The following TULP4 variants were observed in gnomAD, a reference collection of about 807,000 sequenced individuals.
TULP4 encodes the protein tubby-related protein 4.
In TULP4, 16 loss-of-function variants were observed where a neutral mutation model predicts 129.0. The ratio of observed to expected loss-of-function variants is 0.12; its 90% CI spans 0.08 to 0.19. The LOEUF is 0.19. TULP4 is among the 10% of genes least tolerant of loss of function. The probability of loss-of-function intolerance (pLI) is 1.00; values close to 1 mark genes in which losing one functional copy is unlikely to be tolerated. For synonymous variants in TULP4, 998 were observed against 854.0 expected, an observed-to-expected ratio of 1.17 and a Z score of -2.94; for missense variants, 1,842 against 2,059.1, an observed-to-expected ratio of 0.89 and a Z score of 2.04.
At chr6:158,400,317 A>G (rs116070664) in intron 1 of TULP4, among the ~76,000 whole-genome samples, 370 of 152,356 alleles carry the variant, frequency 2.4e-3, no homozygotes, top group African/African-American at 8.5e-3. Flanking sequence ...TATATGTTAT[A>G]TACTACTGTG....
intron 1 of TULP4, among the ~76,000 whole-genome samples, chr6:158,395,977 T>G (rs1777706000): frequency 6.6e-6 from 1 of 152,212 alleles, no homozygotes; most frequent in African/African-American, 2.4e-5. Context: ...GTTAGTGTAA[T>G]GCTAAGGGCC....
intron 1 of TULP4, among the ~76,000 whole-genome samples, chr6:158,268,654 C>T (rs1778494547): frequency 6.6e-6 from 1 of 152,094 alleles, no homozygotes. Context: ...TGGGGGGACA[C>T]CAACATTTGG....
chr6:158,333,685 T>C (rs564237460), intron 1 of TULP4, among the ~76,000 whole-genome samples: 35 of 152,150 alleles, frequency 2.3e-4, no homozygotes, highest in African/African-American at 8.4e-4. Context: ...TTTGAAAAAA[T>C]TCACAGATGA....
intron 1 of TULP4, among the ~76,000 whole-genome samples, chr6:158,240,731 C>T (rs1345001540): frequency 7.7e-6 from 1 of 129,534 alleles, no homozygotes; most frequent in Non-Finnish European, 1.7e-5. Flanking sequence ...GACGGGGCGG[C>T]TGGCCGGGCG....
At chr6:158,314,311 T>C (rs919769785) in intron 1 of TULP4, 43 bp downstream of exon 1, 1 of 1,594,472 alleles carries the variant, frequency 6.3e-7, no homozygotes, top group African/African-American at 1.3e-5. Flanking sequence ...CTTCCAGTGG[T>C]GTTTTTGAGC....
upstream of TULP4, among the ~76,000 whole-genome samples, chr6:158,281,345 C>G (rs926998956): frequency 1.3e-5 from 2 of 152,192 alleles, no homozygotes; most frequent in Admixed American, 1.3e-4. Flanking sequence ...TCCCGAGTAG[C>G]TGGGATTACA....
intron 1 of TULP4, among the ~76,000 whole-genome samples, chr6:158,354,002 G>C (rs761768483): frequency 6.6e-6 from 1 of 152,182 alleles, no homozygotes; most frequent in African/African-American, 2.4e-5. Context: ...CAGAGTCTTC[G>C]GGGAGCAATT....
intron 1 of TULP4, among the ~76,000 whole-genome samples, chr6:158,298,011 A>G (rs1779064613): frequency 6.6e-6 from 1 of 152,076 alleles, no homozygotes; most frequent in Non-Finnish European, 1.5e-5. Flanking sequence ...TTCTTTTCCT[A>G]GGGTCTTAAT....
chr6:158,269,172 C>T (rs1249054480), intron 1 of TULP4, among the ~76,000 whole-genome samples: 1 of 152,080 alleles, frequency 6.6e-6, no homozygotes, highest in African/African-American at 2.4e-5. Flanking sequence ...TTGTTTTGTT[C>T]TCACCAGATA....
chr6:158,439,869 G>A (rs1339460471), intron 3 of TULP4, among the ~76,000 whole-genome samples: 1 of 151,350 alleles, frequency 6.6e-6, no homozygotes, highest in African/African-American at 2.4e-5. Flanking sequence ...CCGCCACCAT[G>A]CCCGGCTAAT....
rs1324046345 is a variant in TULP4, at chr6:158,503,455, T to G, written c.3792T>G (p.Ser1264Arg). 1 of 1,613,468 alleles carries G rather than the reference T, an allele frequency of 6.2e-7. No individual in the cohort carries two copies. The highest frequency in any genetic ancestry group is 1.3e-5 in the African/African-American group (1 of 74,694). The change falls in exon 13 of 14, where the codon AGT becomes AGG. Residue 1264 changes from serine to arginine, a missense_variant. Physicochemically the swap from Ser to Arg is moderately radical, Grantham distance 110. Coordinates refer to ENST00000367097, the MANE Select transcript of TULP4 (RefSeq NM_020245.5). The surrounding 1 kb of genome is among the most constrained non-coding windows in gnomAD (Gnocchi z 4.3). The stretch of plus-strand genomic sequence containing the variant: ...CACCTGTCGCCTTGCATCCATGGAG[T>G]TCCTACAGCGCCTGCCCGCCCATGC... ...QLPPVALHPW[S>R]SYSACPPMQN...
intron 3 of TULP4, among the ~76,000 whole-genome samples, chr6:158,444,257 TTTTTTTTTTA>T (rs1778979574): frequency 7.8e-6 from 1 of 127,550 alleles, no homozygotes; most frequent in Non-Finnish European, 1.7e-5. Context: ...TTTTTTTTTT[TTTTTTTTTTA>T]ACTTTTGCCG....
chr6:158,497,863 G>A (rs574094173), intron 11 of TULP4, among the ~76,000 whole-genome samples: 9 of 152,350 alleles, frequency 5.9e-5, no homozygotes, highest in African/African-American at 2.2e-4. Context: ...GACCGCCATG[G>A]AGCTAGAATA....
At chr6:158,334,616 G>T (rs1224510402) in intron 1 of TULP4, among the ~76,000 whole-genome samples, 1 of 151,806 alleles carries the variant, frequency 6.6e-6, no homozygotes, top group South Asian at 2.1e-4. Flanking sequence ...TTGTTCAGGG[G>T]TTAGCTGTAG....
At chr6:158,241,671 C>T (rs1298150951) in intron 1 of TULP4, among the ~76,000 whole-genome samples, 1 of 152,258 alleles carries the variant, frequency 6.6e-6, no homozygotes, top group Admixed American at 6.5e-5. Context: ...CTTGGCTCAC[C>T]GCAACCTCTG....
At chr6:158,272,721 C>G (rs1332955595) in intron 1 of TULP4, among the ~76,000 whole-genome samples, 1 of 152,202 alleles carries the variant, frequency 6.6e-6, no homozygotes, top group Non-Finnish European at 1.5e-5. Flanking sequence ...GTGAGGCTGT[C>G]AGCCTCCTGA....
chr6:158,504,654 C>G (rs1780557783), intron 13 of TULP4, among the ~76,000 whole-genome samples: 1 of 103,778 alleles, frequency 9.6e-6, no homozygotes, highest in African/African-American at 4.3e-5. Context: ...CCACGCCCAG[C>G]CCTAATTTTT....
At chr6:158,337,469 C>G (rs6926291) in intron 1 of TULP4, among the ~76,000 whole-genome samples, 131,009 of 152,132 alleles carry the variant, frequency 0.86, 56,843 homozygotes, top group South Asian at 0.93. Context: ...CTGATACAGA[C>G]TGAAGCAATG....
chr6:158,422,545 G>A (rs1206986653), intron 2 of TULP4, among the ~76,000 whole-genome samples: 1 of 152,156 alleles, frequency 6.6e-6, no homozygotes, highest in East Asian at 1.9e-4. Flanking sequence ...GACAAAACAC[G>A]GACACATGTG....
Sources: allele counts gnomAD v4.1 joint callset (sites outside exome capture counted in the v4.1 genomes callset), GRCh38; gene constraint gnomAD v4.1.1; non-coding constraint Gnocchi (gnomAD v3.1); transcripts MANE v1.5; gene names NCBI Gene and HGNC (gene_info 2026-07-23, HGNC 2026-07-21).